CASC3: variants seen among roughly 807,000 people sequenced by gnomAD.
CASC3 encodes CASC3 exon junction complex subunit.
In CASC3, 30 loss-of-function variants were observed where a neutral mutation model predicts 80.5. The observed-to-expected ratio is 0.37, with a 90% CI of 0.28 to 0.51. The LOEUF (loss-of-function observed/expected upper bound fraction) is 0.51, where lower values mean the gene tolerates loss of function less well. Ranked by LOEUF, CASC3 falls within the 20% of genes least tolerant of loss-of-function variation. The pLI is 0.94. For synonymous variants in CASC3, 312 were observed against 333.6 expected (o/e 0.94, Z 0.70); for missense variants, 824 against 922.2 (o/e 0.89, Z 1.38).
At position 40,170,843 on chromosome 17, in the gene CASC3, C is replaced by T. The variant is rs576920725; in HGVS notation, c.*438C>T. On this transcript the variant is annotated 3_prime_UTR_variant, in exon 14 of 14. Transcript: ENST00000264645. Reference sequence around the variant, plus strand: ...ATCCTTAATATTATTTTAATTTTTTCTCTTTGTTTCTGTTTCTTGCTCTCT... The same window carrying T: ...ATCCTTAATATTATTTTAATTTTTTTTCTTTGTTTCTGTTTCTTGCTCTCT... 159 of 984,736 alleles carry T rather than the reference C, an allele frequency of 1.6e-4. 1 individual carries two copies. In the Middle Eastern group the frequency reaches 5.2e-3, roughly 32 times the overall value. 61.0% of individuals were successfully genotyped at this position (984,736 alleles called of 1,614,324 possible).
At position 40,169,597 on chromosome 17, in the gene CASC3, G is replaced by T. The variant is rs200939008; in HGVS notation, c.2089-1G>T. On this transcript the variant is annotated splice_acceptor_variant, in intron 12 of 13. Transcript: ENST00000264645. LOFTEE classifies it high-confidence loss of function. The stretch of plus-strand genomic sequence containing the variant: ...AACAAATTCCAACTTTGTTATTTCA[G>T]GTTGTAAGCAGGGGTTCCAGTTAAT... The T allele has an allele frequency of 6.3e-7, 1 of 1,595,896 alleles. No individual in the cohort carries two copies.
intron 3 of CASC3, among the ~76,000 whole-genome samples, chr17:40,151,334 C>T (rs1007837109): frequency 1.3e-5 from 2 of 152,100 alleles, no homozygotes; most frequent in Admixed American, 6.6e-5. Context: ...TCGTCAGCCT[C>T]CCGGATAGCT....
chr17:40,145,972 A>C (rs1359035808), intron 3 of CASC3, among the ~76,000 whole-genome samples: 3 of 152,122 alleles, frequency 2.0e-5, no homozygotes. Flanking sequence ...TCCAGAGAAC[A>C]CTTGCATCAG....
intron 1 of CASC3, 129 bp downstream of exon 1, chr17:40,140,908 A>AG (rs1988696629): frequency 2.7e-6 from 2 of 751,844 alleles, no homozygotes; most frequent in South Asian, 3.9e-5. Context: ...TTGAGAGAAA[A>AG]GGGGAGTTAT....
intron 6 of CASC3, 80 bp downstream of exon 6, chr17:40,162,981 G>A: frequency 7.9e-7 from 1 of 1,273,120 alleles, no homozygotes; most frequent in Non-Finnish European, 1.1e-6. Flanking sequence ...GGCACTTTGG[G>A]AGGCTGAGGC....
intron 3 of CASC3, among the ~76,000 whole-genome samples, chr17:40,159,223 T>G (rs1989227084): frequency 6.6e-6 from 1 of 151,982 alleles, no homozygotes; most frequent in South Asian, 2.1e-4. Context: ...GGCGACAGAG[T>G]GAGACCCTGT....
In CASC3 at chr17:40,172,134, T is replaced by C; in HGVS notation, c.*1729T>C. 1 of 1,289,974 alleles carries C rather than the reference T, an allele frequency of 7.8e-7. No individual in the cohort carries two copies. The highest frequency in any genetic ancestry group is 1.0e-6 in the Non-Finnish European group (1 of 988,864). 79.9% of individuals were successfully genotyped at this position (1,289,974 alleles called of 1,614,324 possible). A position where few individuals can be genotyped will look rare whatever the true frequency, so the allele number is the denominator to read the frequency against. ...AAGGGTGCCCATTTGTGATCAGCAT[T>C]GTGACTTGGAGATAATAAAATTTAG... On this transcript the variant is annotated 3_prime_UTR_variant, in exon 14 of 14. Coordinates refer to ENST00000264645, the MANE Select transcript of CASC3 (RefSeq NM_007359.5).
Position 40,162,169 on chromosome 17 carries a change from T to C in CASC3, c.608+16T>C. The C allele has an allele frequency of 6.2e-7, 1 of 1,608,750 alleles. No homozygotes were observed. Among genetic ancestry groups the C allele is most frequent in the Middle Eastern group, 1.7e-4 (1 of 6,028 alleles). On this transcript the variant is annotated intron_variant, in intron 5 of 13. Coordinates refer to ENST00000264645, the MANE Select transcript of CASC3 (RefSeq NM_007359.5). ...AGGAAGTCAGGTAAAAGCCACTTGCTGCTGCTGCTGTCTAACATGTATTTT... is the reference window on the plus strand; with the variant it reads ...AGGAAGTCAGGTAAAAGCCACTTGCCGCTGCTGCTGTCTAACATGTATTTT...
chr17:40,170,975 G>C lies in CASC3; in HGVS notation c.*570G>C, dbSNP rs1989579163. 4 of 985,372 alleles carry C rather than the reference G, an allele frequency of 4.1e-6. No individual in the cohort carries two copies. Among genetic ancestry groups the C allele is most frequent in the Non-Finnish European group, 4.8e-6 (4 of 829,900 alleles). The allele number at this position is 985,372 out of a possible 1,614,324, so 61.0% of individuals were successfully genotyped here. On this transcript the variant is annotated 3_prime_UTR_variant, in exon 14 of 14. Transcript: ENST00000264645. ...CAGATAATGGAGAATGTATCAGCCA[G>C]CCTTCCCCACCAAGTCTAAAAAGAC...
intron 1 of CASC3, 21 bp downstream of exon 1, chr17:40,140,800 C>A: frequency 1.8e-5 from 2 of 111,596 alleles, no homozygotes; most frequent in Non-Finnish European, 2.4e-5. Flanking sequence ...GCAGGCGGGG[C>A]GGGGTGGGGA....
chr17:40,142,196 CTA>C (rs1453797651), intron 3 of CASC3, among the ~76,000 whole-genome samples: 1 of 152,102 alleles, frequency 6.6e-6, no homozygotes, highest in African/African-American at 2.4e-5. Flanking sequence ...AAGATTTTGT[CTA>C]TACATTTTTA....
intron 13 of CASC3, 80 bp downstream of exon 13, chr17:40,169,742 C>CTTTTTTTTTTTTTTTTT (rs56186811): frequency 1.1e-5 from 1 of 91,808 alleles, no homozygotes; most frequent in Admixed American, 2.7e-4. Context: ...TTAATTAATG[C>CTTTTTTTTTTTTTTTTT]TTTTTTTTTT....
At position 40,163,492 on chromosome 17, in the gene CASC3, C is replaced by T; in HGVS notation, c.797C>T (p.Pro266Leu). The part of the protein sequence containing the change: ...RRIRKPRYGS[P>L]PQRDPNWNGE... The stretch of plus-strand genomic sequence containing the variant: ...TCCATTTTTTGTAGATATGGGAGTC[C>T]TCCACAAAGAGATCCAAACTGGAAC... Residue 266 changes from proline to leucine, a missense_variant, in exon 7 of 14, where the codon CCT becomes CTT. This residue lies in a region of CASC3 where 201 missense variants were observed against 294.1 expected (regional missense o/e 0.68). Coordinates refer to ENST00000264645, the MANE Select transcript of CASC3 (RefSeq NM_007359.5). 1 of 1,610,234 alleles carries T rather than the reference C, an allele frequency of 6.2e-7. No homozygotes were observed. Among genetic ancestry groups the T allele is most frequent in the Admixed American group, 1.7e-5 (1 of 59,234 alleles).
In CASC3 at chr17:40,168,367, C is replaced by T. The variant is rs201316119; in HGVS notation, c.1915C>T (p.Pro639Ser). The T allele has an allele frequency of 6.2e-7, 1 of 1,614,092 alleles. No individual in the cohort carries two copies. The highest frequency in any genetic ancestry group is 8.5e-7 in the Non-Finnish European group (1 of 1,180,000). Residue 639 changes from proline to serine, a missense_variant, in exon 11 of 14, where the codon CCA becomes TCA. Around this residue, in one of 3 missense-constraint regions of CASC3, gnomAD observed 464 missense variants for 506.0 expected, o/e 0.92. Transcript: ENST00000264645. ...NFGNPSYPYA[P>S]GALPPPPPPH... is the part of the protein sequence containing the mutation. ...TGGTAATCCCAGTTACCCTTATGCT[C>T]CAGGGGCACTGCCTCCCCCACCACC... is the stretch of plus-strand genomic sequence containing the variant.
rs146390802 is a variant in CASC3 at position 40,152,471 on chromosome 17, G to A, written c.298-9282G>A. Among the ~76,000 whole-genome samples, 319 of 151,820 alleles carry A rather than the reference G, an allele frequency of 2.1e-3. 1 individual carries two copies. The highest frequency in any genetic ancestry group is 3.2e-3 in the Non-Finnish European group (220 of 67,950). On this transcript the variant is annotated intron_variant, in intron 3 of 13. Transcript: ENST00000264645. Reference sequence around the variant, plus strand: ...CAAGTAGCTGAGATTACAGTCATGCGCCACCAAGCCCAGCTAGTTTTGTAT... The same window carrying A: ...CAAGTAGCTGAGATTACAGTCATGCACCACCAAGCCCAGCTAGTTTTGTAT...
chr17:40,171,875 A>C lies in CASC3; in HGVS notation c.*1470A>C. The C allele has an allele frequency of 8.3e-7, 1 of 1,206,864 alleles. No individual in the cohort carries two copies. The highest frequency in any genetic ancestry group is 1.1e-6 in the Non-Finnish European group (1 of 950,806). 74.8% of individuals were successfully genotyped at this position (1,206,864 alleles called of 1,614,324 possible). ...GGATGGAGAGTGGGGAGAGGCACTT[A>C]ATCTGTAACCCCCAAGGAGGAAATA... On this transcript the variant is annotated 3_prime_UTR_variant, in exon 14 of 14. Transcript: ENST00000264645.
chr17:40,164,441 T>G (rs914792288), intron 7 of CASC3, among the ~76,000 whole-genome samples: 1 of 151,292 alleles, frequency 6.6e-6, no homozygotes, highest in African/African-American at 2.4e-5. Context: ...TTTTTTTTTT[T>G]GTATTTTTAT....
At position 40,162,849 on chromosome 17, in the gene CASC3, C is replaced by T. The variant is rs1203475082; in HGVS notation, c.733C>T (p.Arg245Cys). The change falls in exon 6 of 14, where the codon CGC (arginine) becomes TGC (cysteine). Residue 245 changes from arginine to cysteine, a missense_variant. Physicochemically the swap from Arg to Cys is radical, Grantham distance 180 (BLOSUM62 -3). Coordinates refer to ENST00000264645, the MANE Select transcript of CASC3 (RefSeq NM_007359.5). The stretch of plus-strand genomic sequence containing the variant: ...CATTGCTCTTTATGGTTATGACATT[C>T]GCTCAGCTCATAATCCTGATGACAT... ...ELIALYGYDIRSAHNPDDIKP... is the reference protein window; with the variant it reads ...ELIALYGYDICSAHNPDDIKP... 3.1e-6 allele frequency: 5 copies of T among 1,614,042 alleles called. No homozygotes were observed. The highest frequency in any genetic ancestry group is 4.2e-6 in the Non-Finnish European group (5 of 1,179,970).
rs964552369 is a variant in CASC3 at position 40,153,241 on chromosome 17, G to A, written c.298-8512G>A. Among the ~76,000 whole-genome samples the A allele has an allele frequency of 2.0e-5, 3 of 152,062 alleles. No homozygotes were observed. The East Asian group carries it at 5.8e-4, about 29-fold the overall frequency. On this transcript the variant is annotated intron_variant, in intron 3 of 13. Coordinates refer to ENST00000264645, the MANE Select transcript of CASC3 (RefSeq NM_007359.5). ...GAGTTTGACTTGAGATCATGTGGTG[G>A]TTATCTTTCTGTGTCTAGCTTATTT...
Sources: gnomAD v4.1 joint callset for allele counts (sites outside exome capture counted in the v4.1 genomes callset) on GRCh38, gnomAD v4.1.1 for gene constraint, gnomAD v4.1.1 regional missense constraint, MANE v1.5 for transcripts, NCBI Gene and HGNC (gene_info 2026-07-23, HGNC 2026-07-21) for gene names.